SYN3: variants seen among roughly 807,000 people sequenced by gnomAD.
The protein encoded by SYN3 is synapsin III, also known as synapsin-3.
A neutral mutation model predicts 65.8 loss-of-function variants in SYN3; 35 were observed. The ratio of observed to expected loss-of-function variants is 0.53; its 90% confidence interval spans 0.41 to 0.70. SYN3 has a LOEUF of 0.70. SYN3 is among the 30% of genes least tolerant of loss of function. The probability of loss-of-function intolerance (pLI) is 0.00; values close to 1 mark genes in which losing one functional copy is unlikely to be tolerated. For missense variants in SYN3, 680 were observed against 749.0 expected, an observed-to-expected ratio of 0.91 and a Z score of 1.08; for synonymous variants, 270 against 292.9, an observed-to-expected ratio of 0.92 and a Z score of 0.80.
At chr22:33,023,376 T>A (rs1404663419) in intron 1 of SYN3, among the ~76,000 whole-genome samples, 5 of 152,208 alleles carry the variant, frequency 3.3e-5, no homozygotes, top group Admixed American at 3.3e-4. Flanking sequence ...ACACACTTTC[T>A]TGCCTGCTGC....
At chr22:32,592,340 T>G (rs2059139493) in intron 7 of SYN3, among the ~76,000 whole-genome samples, 1 of 152,206 alleles carries the variant, frequency 6.6e-6, no homozygotes, top group Non-Finnish European at 1.5e-5. Context: ...GCAGATCATT[T>G]TCCTCCCAAC....
chr22:32,889,654 C>T (rs1307445993), intron 4 of SYN3, among the ~76,000 whole-genome samples: 1 of 151,804 alleles, frequency 6.6e-6, no homozygotes, highest in African/African-American at 2.4e-5. Context: ...ACATATATGC[C>T]ATTCTGTAAT....
intron 6 of SYN3, among the ~76,000 whole-genome samples, chr22:32,772,156 T>C (rs552698461): frequency 6.6e-6 from 1 of 151,964 alleles, no homozygotes; most frequent in Non-Finnish European, 1.5e-5. Flanking sequence ...ATTCTTTCTG[T>C]CCCTGAGGAT....
At chr22:32,526,520 T>A (rs1247565204) in intron 12 of SYN3, among the ~76,000 whole-genome samples, 1 of 152,054 alleles carries the variant, frequency 6.6e-6, no homozygotes, top group Non-Finnish European at 1.5e-5. Flanking sequence ...TTATTTATTT[T>A]ATTTTGTTTT....
chr22:32,558,808 G>A (rs894951330), intron 7 of SYN3, among the ~76,000 whole-genome samples: 2 of 152,242 alleles, frequency 1.3e-5, no homozygotes, highest in Non-Finnish European at 2.9e-5. Flanking sequence ...GACTGTGCCA[G>A]GGGACCCTAA....
chr22:32,731,147 A>G (rs889242690), intron 6 of SYN3, among the ~76,000 whole-genome samples: 1 of 152,186 alleles, frequency 6.6e-6, no homozygotes, highest in African/African-American at 2.4e-5. Context: ...AGCTCCTGGC[A>G]TACAGTAAGT....
At chr22:32,832,988 C>A (rs577189495) in intron 6 of SYN3, among the ~76,000 whole-genome samples, 1 of 152,336 alleles carries the variant, frequency 6.6e-6, no homozygotes, top group African/African-American at 2.4e-5. Flanking sequence ...CTGCCTCGAC[C>A]TCCCGAAGTC....
chr22:32,569,457 T>C (rs2058722947), intron 7 of SYN3, among the ~76,000 whole-genome samples: 1 of 151,218 alleles, frequency 6.6e-6, no homozygotes, highest in Non-Finnish European at 1.5e-5. Context: ...CTTCTCTATC[T>C]ATCTAAAATC....
chr22:32,984,161 C>CAAAAAAAAAAAAAAAA (rs35678412), intron 2 of SYN3, among the ~76,000 whole-genome samples: 3 of 93,004 alleles, frequency 3.2e-5, no homozygotes, highest in East Asian at 3.1e-4. Flanking sequence ...AAACTCCATC[C>CAAAAAAAAAAAAAAAA]AAAAAAAAAA....
At chr22:32,637,783 A>T (rs1256076520) in intron 6 of SYN3, among the ~76,000 whole-genome samples, 1 of 151,806 alleles carries the variant, frequency 6.6e-6, no homozygotes, top group Non-Finnish European at 1.5e-5. Flanking sequence ...GATTACAGGC[A>T]TGTGCCACCA....
intron 6 of SYN3, among the ~76,000 whole-genome samples, chr22:32,798,081 G>A (rs2046471682): frequency 6.6e-6 from 1 of 152,042 alleles, no homozygotes; most frequent in Non-Finnish European, 1.5e-5. Flanking sequence ...TGATATGTTT[G>A]GAATGCATTA....
At chr22:32,639,205 G>A (rs572530805) in intron 6 of SYN3, among the ~76,000 whole-genome samples, 9 of 152,152 alleles carry the variant, frequency 5.9e-5, no homozygotes, top group East Asian at 5.8e-4. Context: ...CACCCGCCTC[G>A]GCCTCCCAAA....
chr22:32,797,184 C>A (rs766341163), intron 6 of SYN3, among the ~76,000 whole-genome samples: 37 of 152,148 alleles, frequency 2.4e-4, no homozygotes, highest in Non-Finnish European at 4.1e-4. Context: ...CACCAGCCAG[C>A]GGGATAGAGC....
chr22:32,858,376 C>T (rs2048436880), intron 6 of SYN3, among the ~76,000 whole-genome samples: 1 of 152,184 alleles, frequency 6.6e-6, no homozygotes, highest in South Asian at 2.1e-4. Flanking sequence ...CCATGATGAC[C>T]ACTTGGAAGC....
intron 4 of SYN3, among the ~76,000 whole-genome samples, chr22:32,887,398 CTG>C (rs2049322986): frequency 1.3e-5 from 2 of 151,958 alleles, no homozygotes; most frequent in Admixed American, 6.6e-5. Flanking sequence ...AAAAAAAGAA[CTG>C]TGTGCAACTT....
chr22:32,836,764 G>A (rs948298097), intron 6 of SYN3, among the ~76,000 whole-genome samples: 7 of 152,184 alleles, frequency 4.6e-5, no homozygotes, highest in African/African-American at 1.7e-4. Flanking sequence ...CAACCTTACA[G>A]AATGAAGCTT....
chr22:32,618,247 G>A (rs529539425), intron 6 of SYN3, among the ~76,000 whole-genome samples: 1 of 152,126 alleles, frequency 6.6e-6, no homozygotes, highest in Non-Finnish European at 1.5e-5. Context: ...AACTGAGCTC[G>A]TGTGAAATTG....
chr22:32,984,417 C>T (rs996640748), intron 2 of SYN3, among the ~76,000 whole-genome samples: 3 of 152,144 alleles, frequency 2.0e-5, no homozygotes, highest in African/African-American at 4.8e-5. Flanking sequence ...GCTCCTGGTG[C>T]GGGTATGTGG....
chr22:32,994,957 T>G (rs2052835908), intron 2 of SYN3, among the ~76,000 whole-genome samples: 1 of 152,178 alleles, frequency 6.6e-6, no homozygotes, highest in African/African-American at 2.4e-5. Flanking sequence ...CAGTTACCCT[T>G]CCAGGAAGAT....
Sources: allele counts gnomAD v4.1 joint callset (sites outside exome capture counted in the v4.1 genomes callset), GRCh38; gene constraint gnomAD v4.1.1; transcripts MANE v1.5; gene names NCBI Gene and HGNC (gene_info 2026-07-23, HGNC 2026-07-21).